UQCRHL: variants seen among roughly 807,000 people sequenced by gnomAD.
The protein encoded by UQCRHL is ubiquinol-cytochrome c reductase hinge protein like.
A neutral mutation model predicts 2.2 loss-of-function variants in UQCRHL; 1 was observed. The observed-to-expected ratio is 0.46, with a 90% confidence interval of 0.16 to 2.18. The LOEUF (loss-of-function observed/expected upper bound fraction) is 2.18. Ranked by LOEUF, UQCRHL falls within the 30% of genes most tolerant of loss-of-function variation. The pLI is 0.27. For missense variants in UQCRHL, 114 were observed against 108.6 expected, an observed-to-expected ratio of 1.05 and a Z score of -0.22; for synonymous variants, 46 against 44.6, an observed-to-expected ratio of 1.03 and a Z score of -0.13.
chr1:15,807,440 C>T, exon 1 of UQCRHL: 1 of 1,614,154 alleles, frequency 6.2e-7, no homozygotes, highest in Non-Finnish European at 8.5e-7. Flanking sequence ...AGTCAAAGAG[C>T]TCCTCCGTGC....
chr1:15,807,484 G>A, exon 1 of UQCRHL: 3 of 1,614,146 alleles, frequency 1.9e-6, no homozygotes, highest in Non-Finnish European at 2.5e-6. Flanking sequence ...GAGGATACAT[G>A]CTCATCATAG....
chr1:15,807,618 G>C, exon 1 of UQCRHL: 1 of 1,614,118 alleles, frequency 6.2e-7, no homozygotes, highest in Non-Finnish European at 8.5e-7. Flanking sequence ...TCCGGATTCG[G>C]TAAGCATCTT....
exon 1 of UQCRHL, chr1:15,807,411 T>C: frequency 1.2e-6 from 2 of 1,614,164 alleles, no homozygotes; most frequent in South Asian, 2.2e-5. Context: ...GGCCACGCAA[T>C]GGTCCTTTGC....
exon 1 of UQCRHL, chr1:15,807,601 C>T (rs2148682978): frequency 6.2e-7 from 1 of 1,614,198 alleles, no homozygotes; most frequent in Non-Finnish European, 8.5e-7. Flanking sequence ...TCCTCCTCCT[C>T]AGGATCTCCG....
chr1:15,807,637 C>A (rs2069940995), exon 1 of UQCRHL: 1 of 1,614,162 alleles, frequency 6.2e-7, no homozygotes, highest in South Asian at 1.1e-5. Context: ...TTTTGCTCGT[C>A]CTCCAGTCCC....
chr1:15,807,488 A>T (rs771740237), exon 1 of UQCRHL: 41 of 1,614,044 alleles, frequency 2.5e-5, no homozygotes, highest in Non-Finnish European at 3.4e-5. Context: ...ATACATGCTC[A>T]TCATAGAGCT....
exon 1 of UQCRHL, chr1:15,807,501 A>G: frequency 1.2e-6 from 2 of 1,614,152 alleles, no homozygotes; most frequent in Non-Finnish European, 1.7e-6. Context: ...ATAGAGCTCT[A>G]GCCGCTCCCG....
exon 1 of UQCRHL, chr1:15,807,644 T>C: frequency 6.2e-7 from 1 of 1,614,128 alleles, no homozygotes; most frequent in Non-Finnish European, 8.5e-7. Context: ...CGTCCTCCAG[T>C]CCCATGTCTG....
At chr1:15,807,590 T>TTC in the UQCRHL span, 2 of 1,614,162 alleles carry the variant, frequency 1.2e-6, no homozygotes, top group Non-Finnish European at 8.5e-7. Flanking sequence ...CCTCTTCCTC[T>TTC]TCCTCCTCCT....
chr1:15,807,383 G>T (rs1218360130), exon 1 of UQCRHL: 1 of 1,613,978 alleles, frequency 6.2e-7, no homozygotes, highest in Non-Finnish European at 8.5e-7. Context: ...TTTATTTCAA[G>T]TTGTTAAAGA....
the UQCRHL span, chr1:15,807,616 C>A: frequency 6.2e-7 from 1 of 1,614,032 alleles, no homozygotes; most frequent in Admixed American, 1.7e-5. Flanking sequence ...TCTCCGGATT[C>A]GGTAAGCATC....
chr1:15,807,567 T>G, exon 1 of UQCRHL: 1 of 1,614,166 alleles, frequency 6.2e-7, no homozygotes, highest in Non-Finnish European at 8.5e-7. Context: ...TGTTAGGGGA[T>G]CCACTAATTC....
exon 1 of UQCRHL, chr1:15,807,554 T>C: frequency 1.2e-6 from 2 of 1,614,162 alleles, no homozygotes; most frequent in East Asian, 4.5e-5. Context: ...GCTCTCTCAC[T>C]GTTGTTAGGG....
chr1:15,807,462 G>C, exon 1 of UQCRHL: 1 of 1,614,180 alleles, frequency 6.2e-7, no homozygotes, highest in South Asian at 1.1e-5. Context: ...ATCCTCTTCT[G>C]TATGTGATCG....
chr1:15,807,561 A>T (rs376754555), exon 1 of UQCRHL: 168 of 1,614,008 alleles, frequency 1.0e-4, no homozygotes, highest in Admixed American at 5.0e-5. Flanking sequence ...CACTGTTGTT[A>T]GGGGATCCAC....
In UQCRHL at chr1:15,807,505, G is replaced by A. The variant is rs1388144099; in HGVS notation, c.145C>T (p.Arg49Trp). Residue 49 changes from arginine (R) to tryptophan (W), a missense_variant, in exon 1 of 1, where the codon CGG (arginine) becomes TGG (tryptophan). Transcript: ENST00000483273. Reference sequence around the variant, plus strand: ...ACATGCTCATCATAGAGCTCTAGCCGCTCCCGGGCCTTTACACATTTCTCC... The same window carrying A: ...ACATGCTCATCATAGAGCTCTAGCCACTCCCGGGCCTTTACACATTTCTCC... 12 of 1,613,946 alleles carry A rather than the reference G, an allele frequency of 7.4e-6. No homozygotes were observed. The South Asian group carries it at 9.9e-5, about 13-fold the overall frequency.
At position 15,807,465 on chromosome 1, in the gene UQCRHL, T is replaced by C. The variant is rs1264991026; in HGVS notation, c.185A>G (p.His62Arg). The C allele has an allele frequency of 4.3e-6, 7 of 1,614,068 alleles. No individual in the cohort carries two copies. In the African/African-American group the frequency reaches 9.3e-5, roughly 22 times the overall value. Residue 62 changes from histidine to arginine, a missense_variant, in exon 1 of 1, where the codon CAT (histidine) becomes CGT (arginine). Transcript: ENST00000483273. ...CTCCTCCGTGCAATCCTCTTCTGTA[T>C]GTGATCGAGAGGATACATGCTCATC...
exon 1 of UQCRHL, chr1:15,807,532 A>G (rs1281652682): frequency 6.2e-7 from 1 of 1,614,028 alleles, no homozygotes; most frequent in South Asian, 1.1e-5. Context: ...CATTTCTCCA[A>G]CTGCTCGCAT....
exon 1 of UQCRHL, chr1:15,807,471 C>G (rs780112142): frequency 3.1e-6 from 5 of 1,614,002 alleles, no homozygotes; most frequent in Non-Finnish European, 4.2e-6. Context: ...TGTATGTGAT[C>G]GAGAGGATAC....
Sources: allele counts gnomAD v4.1 joint callset, GRCh38; gene constraint gnomAD v4.1.1; transcripts MANE v1.5; gene names NCBI Gene and HGNC (gene_info 2026-07-23, HGNC 2026-07-21).